SMC5: variants seen among roughly 807,000 people sequenced by gnomAD.
SMC5 encodes structural maintenance of chromosomes protein 5.
SMC5 carries 88 observed loss-of-function variants against 148.3 expected under a neutral mutation model. That is an observed-to-expected ratio of 0.59 (90% confidence interval 0.50 to 0.71). The LOEUF (loss-of-function observed/expected upper bound fraction) is 0.71. SMC5 is among the 30% of genes least tolerant of loss of function. The pLI is 0.00. For missense variants in SMC5, 1,142 were observed against 1,298.9 expected (o/e 0.88, Z 1.86); for synonymous variants, 421 against 432.8 (o/e 0.97, Z 0.34).
intron 17 of SMC5, among the ~76,000 whole-genome samples, chr9:70,339,854 GC>G (rs928888378): frequency 6.6e-6 from 1 of 152,172 alleles, no homozygotes; most frequent in Non-Finnish European, 1.5e-5. Flanking sequence ...ATGGTGGGAA[GC>G]CTCTCTTTGG....
At chr9:70,330,343 C>T (rs1437606355) in intron 17 of SMC5, among the ~76,000 whole-genome samples, 2 of 151,998 alleles carry the variant, frequency 1.3e-5, no homozygotes, top group Non-Finnish European at 2.9e-5. Context: ...CAGACATTTG[C>T]CCCCTGGGGA....
intron 11 of SMC5, 65 bp downstream of exon 11, chr9:70,305,425 A>C: frequency 3.2e-6 from 3 of 939,520 alleles, no homozygotes; most frequent in Non-Finnish European, 5.1e-6. Context: ...TGAAGTTTTA[A>C]ATTCACTAGA....
At chr9:70,306,027 G>A (rs970081400) in intron 11 of SMC5, among the ~76,000 whole-genome samples, 2 of 151,938 alleles carry the variant, frequency 1.3e-5, no homozygotes, top group Admixed American at 6.6e-5. Flanking sequence ...AAATGTGAAG[G>A]TACTTATAGC....
At position 70,282,489 on chromosome 9, in the gene SMC5, T is replaced by G. The variant is rs372483568; in HGVS notation, c.887T>G (p.Val296Gly). The G allele has an allele frequency of 1.1e-5, 18 of 1,607,746 alleles. No individual in the cohort carries two copies. Among genetic ancestry groups the G allele is most frequent in the Non-Finnish European group, 1.5e-5 (18 of 1,177,954 alleles). ...KLVRDRVKEE[V>G]RKLKEGQIPV... ...GTTCGTGACCGAGTGAAGGAAGAGG[T>G]CAGAAAACTTAAAGAAGGGCAGATT... Residue 296 changes from valine to glycine, a missense_variant, in exon 7 of 25, where the codon GTC becomes GGC. Physicochemically the swap from Val to Gly is moderately radical, Grantham distance 109. Around this residue, in one of 5 missense-constraint regions of SMC5, gnomAD observed 743 missense variants for 835.7 expected, o/e 0.89. Transcript: ENST00000361138.
rs75534173 is a variant in SMC5, at chr9:70,275,710, T to C, written c.381-1600T>C. Among the ~76,000 whole-genome samples the C allele has an allele frequency of 8.2e-3, 1,251 of 152,304 alleles. 17 individuals are homozygous for C. The highest frequency in any genetic ancestry group is 0.029 in the African/African-American group (1,205 of 41,572). On this transcript the variant is annotated intron_variant, in intron 3 of 24. Coordinates refer to ENST00000361138, the MANE Select transcript of SMC5 (RefSeq NM_015110.4). The stretch of plus-strand genomic sequence containing the variant: ...GAAGATGCTTATAAACTCATTTCTT[T>C]TTTTAAGTATGTTAGTTTCATATAT...
chr9:70,302,950 C>G (rs2035398692), intron 10 of SMC5, among the ~76,000 whole-genome samples: 1 of 152,102 alleles, frequency 6.6e-6, no homozygotes, highest in Non-Finnish European at 1.5e-5. Flanking sequence ...CACCTTGGGG[C>G]CAGGCATGTT....
intron 17 of SMC5, among the ~76,000 whole-genome samples, chr9:70,337,837 T>C (rs1371110110): frequency 7.3e-6 from 1 of 136,402 alleles, no homozygotes; most frequent in Non-Finnish European, 1.6e-5. Flanking sequence ...TTGTTTTTAA[T>C]CAGTGAATTA....
intron 11 of SMC5, among the ~76,000 whole-genome samples, chr9:70,309,503 T>G (rs563902675): frequency 6.6e-6 from 1 of 152,038 alleles, no homozygotes; most frequent in South Asian, 2.1e-4. Flanking sequence ...TCACCTAAAT[T>G]TATGTCATAT....
At chr9:70,324,919 T>C (rs1201299386) in intron 17 of SMC5, among the ~76,000 whole-genome samples, 2 of 152,218 alleles carry the variant, frequency 1.3e-5, no homozygotes, top group African/African-American at 4.8e-5. Flanking sequence ...TTCTTTACTC[T>C]TTTCTTGTGC....
chr9:70,329,429 T>C (rs1170645107), intron 17 of SMC5, among the ~76,000 whole-genome samples: 1 of 152,192 alleles, frequency 6.6e-6, no homozygotes, highest in African/African-American at 2.4e-5. Context: ...CTAAATCGTC[T>C]CTCTCAAGTT....
chr9:70,353,695 T>G lies in SMC5; in HGVS notation c.*1364T>G, dbSNP rs910255806. On this transcript the variant is annotated 3_prime_UTR_variant, in exon 25 of 25. Coordinates refer to ENST00000361138, the MANE Select transcript of SMC5 (RefSeq NM_015110.4). ...TAGACATTTTCTCTTTAAAAAGGTA[T>G]TTTCTTCTTTATAAACATTTTAAAA... The G allele has an allele frequency of 1.3e-5, 2 of 152,186 alleles. No individual in the cohort carries two copies. Among genetic ancestry groups the G allele is most frequent in the Non-Finnish European group, 2.9e-5 (2 of 68,014 alleles). 9.4% of individuals were successfully genotyped at this position (152,186 alleles called of 1,614,324 possible). A position where few individuals can be genotyped will look rare whatever the true frequency, so the allele number is the denominator to read the frequency against.
At chr9:70,304,408 C>T (rs2035443492) in intron 10 of SMC5, among the ~76,000 whole-genome samples, 5 of 152,050 alleles carry the variant, frequency 3.3e-5, no homozygotes, top group Admixed American at 1.3e-4. Flanking sequence ...ATCAATAGGT[C>T]GGGCACAGTG....
At chr9:70,268,336 C>G (rs886484695) in intron 3 of SMC5, among the ~76,000 whole-genome samples, 6 of 152,014 alleles carry the variant, frequency 3.9e-5, no homozygotes, top group African/African-American at 1.4e-4. Context: ...ATCCCAGCTA[C>G]TGGGGAGTCT....
intron 3 of SMC5, among the ~76,000 whole-genome samples, chr9:70,275,255 C>T (rs538138718): frequency 8.6e-5 from 13 of 152,032 alleles, no homozygotes; most frequent in South Asian, 2.1e-4. Context: ...GTTTTGGTGA[C>T]GGGGTCTCAC....
Position 70,259,132 on chromosome 9 carries a change from A to C in SMC5, c.54A>C (p.Arg18Ser). 1.9e-6 allele frequency: 3 copies of C among 1,612,444 alleles called. No individual in the cohort carries two copies. The highest frequency in any genetic ancestry group is 2.5e-6 in the Non-Finnish European group (3 of 1,179,280). ...TSTPSPQPSKRALPRDPSSEV... is the reference protein window; with the variant it reads ...TSTPSPQPSKSALPRDPSSEV... ...CTCCAAGCCCCCAGCCTTCCAAGAGAGCTCTCCCGAGAGACCCTTCGTCGG... is the reference window on the plus strand; with the variant it reads ...CTCCAAGCCCCCAGCCTTCCAAGAGCGCTCTCCCGAGAGACCCTTCGTCGG... Residue 18 changes from arginine to serine, a missense_variant, in exon 1 of 25, where the codon AGA (arginine) becomes AGC (serine). Coordinates refer to ENST00000361138, the MANE Select transcript of SMC5 (RefSeq NM_015110.4).
intron 10 of SMC5, among the ~76,000 whole-genome samples, chr9:70,301,470 T>C (rs2035355824): frequency 6.6e-6 from 1 of 152,226 alleles, no homozygotes; most frequent in Non-Finnish European, 1.5e-5. Context: ...CCACGCAGTT[T>C]ACTCACCTTT....
At position 70,278,566 on chromosome 9, in the gene SMC5, G is replaced by C. The variant is rs543721467; in HGVS notation, c.619G>C (p.Glu207Gln). 1.9e-6 allele frequency: 3 copies of C among 1,611,856 alleles called. No homozygotes were observed. The African/African-American group carries it at 4.0e-5, about 22-fold the overall frequency. ...EATEKSIGPP[E>Q]MHKYHCELKN... ...CACTGAAAAGTCAATTGGTCCCCCA[G>C]AAATGCACAAATATCACTGTGAACT... is the stretch of plus-strand genomic sequence containing the variant. The change falls in exon 5 of 25, where the codon GAA becomes CAA. Residue 207 changes from glutamate (E) to glutamine (Q), a missense_variant. Glu to Gln is a conservative substitution (Grantham distance 29, BLOSUM62 2). Transcript: ENST00000361138.
chr9:70,276,584 A>G (rs938875892), intron 3 of SMC5, among the ~76,000 whole-genome samples: 3 of 152,198 alleles, frequency 2.0e-5, no homozygotes, highest in South Asian at 4.1e-4. Context: ...TATAATTTAT[A>G]TATACAACAT....
intron 3 of SMC5, among the ~76,000 whole-genome samples, chr9:70,274,469 C>CT (rs765932260): frequency 0.038 from 5,405 of 143,626 alleles, 130 homozygotes; most frequent in Non-Finnish European, 0.055. Flanking sequence ...TAGTTAGCAG[C>CT]TTTTTTTTTT....
Sources: gnomAD v4.1 joint callset for allele counts (sites outside exome capture counted in the v4.1 genomes callset) on GRCh38, gnomAD v4.1.1 for gene constraint, gnomAD v4.1.1 regional missense constraint, MANE v1.5 for transcripts, NCBI Gene and HGNC (gene_info 2026-07-23, HGNC 2026-07-21) for gene names.